The following LPGAT1 variants were observed in gnomAD, a reference collection of about 807,000 sequenced individuals.
LPGAT1 encodes acyl-CoA:lysophosphatidylglycerol acyltransferase 1.
LPGAT1 carries 11 observed loss-of-function variants against 47.5 expected under a neutral mutation model. That is an observed-to-expected ratio of 0.23 (90% confidence interval 0.15 to 0.38). The LOEUF (loss-of-function observed/expected upper bound fraction) is 0.38, where lower values mean the gene tolerates loss of function less well. Ranked by LOEUF, LPGAT1 falls within the 10% of genes least tolerant of loss-of-function variation. The probability of loss-of-function intolerance (pLI) is 1.00; values close to 1 mark genes in which losing one functional copy is unlikely to be tolerated. For missense variants in LPGAT1, 293 were observed against 439.0 expected (o/e 0.67, Z 2.97); for synonymous variants, 138 against 144.2 (o/e 0.96, Z 0.31).
intron 3 of LPGAT1, among the ~76,000 whole-genome samples, chr1:211,788,334 T>G (rs1199443875): frequency 6.6e-6 from 1 of 152,162 alleles, no homozygotes; most frequent in African/African-American, 2.4e-5. Flanking sequence ...CCACTGCTGA[T>G]AAGAGTTAAT....
At chr1:211,769,211 T>C (rs1441739538) in intron 6 of LPGAT1, among the ~76,000 whole-genome samples, 2 of 152,094 alleles carry the variant, frequency 1.3e-5, no homozygotes, top group Admixed American at 6.6e-5. Context: ...GAGGTGATAG[T>C]GGCTAGGACC....
At chr1:211,798,651 C>G (rs1659446294) in intron 2 of LPGAT1, among the ~76,000 whole-genome samples, 1 of 152,076 alleles carries the variant, frequency 6.6e-6, no homozygotes, top group South Asian at 2.1e-4. Context: ...CCACTACACT[C>G]CAGTCTGGTT....
intron 2 of LPGAT1, among the ~76,000 whole-genome samples, chr1:211,824,835 A>G (rs1038660681): frequency 6.6e-6 from 1 of 152,214 alleles, no homozygotes; most frequent in Non-Finnish European, 1.5e-5. Context: ...CAAAGTCAGA[A>G]ATAATTCCTA....
chr1:211,819,030 G>A (rs1262567432), intron 2 of LPGAT1, among the ~76,000 whole-genome samples: 2 of 152,164 alleles, frequency 1.3e-5, no homozygotes, highest in Admixed American at 1.3e-4. Flanking sequence ...GATGGTGGCA[G>A]TGCTATTTTA....
intron 6 of LPGAT1, among the ~76,000 whole-genome samples, chr1:211,758,277 C>T (rs1313026144): frequency 2.0e-5 from 3 of 152,222 alleles, no homozygotes; most frequent in Non-Finnish European, 2.9e-5. Flanking sequence ...GATTGAATGT[C>T]TGTACCTACC....
intron 6 of LPGAT1, among the ~76,000 whole-genome samples, chr1:211,751,739 T>C (rs771624505): frequency 9.9e-5 from 15 of 152,204 alleles, no homozygotes; most frequent in Non-Finnish European, 7.4e-5. Context: ...ATTTTTTGTT[T>C]TCTAATTTAG....
chr1:211,813,811 C>A (rs922572186), intron 2 of LPGAT1, among the ~76,000 whole-genome samples: 1 of 152,190 alleles, frequency 6.6e-6, no homozygotes, highest in East Asian at 1.9e-4. Context: ...AGGGCTGTAG[C>A]TTGCCAACCT....
rs78308132 is a variant in LPGAT1, at chr1:211,785,217, C to T, written c.454-1715G>A. ...CTTTAGATCAAATGTATCCCAAATG[C>T]AAAACATGTAAGACATTTTGTTAGT... On this transcript the variant is annotated intron_variant, in intron 4 of 7. Coordinates refer to ENST00000366997, the MANE Select transcript of LPGAT1 (RefSeq NM_014873.3). Among the ~76,000 whole-genome samples, 283 of 152,200 alleles carry T rather than the reference C, an allele frequency of 1.9e-3. 7 individuals are homozygous for T. The East Asian group carries it at 0.038, about 20-fold the overall frequency.
At chr1:211,760,461 C>A (rs1246058043) in intron 6 of LPGAT1, among the ~76,000 whole-genome samples, 3 of 151,824 alleles carry the variant, frequency 2.0e-5, no homozygotes, top group Non-Finnish European at 2.9e-5. Flanking sequence ...GTCCCCCCAA[C>A]CCCCCTCAAA....
intron 3 of LPGAT1, among the ~76,000 whole-genome samples, chr1:211,789,578 G>A (rs1659021229): frequency 1.3e-5 from 2 of 152,100 alleles, no homozygotes; most frequent in Non-Finnish European, 2.9e-5. Flanking sequence ...ACAATTCACA[G>A]ACACTTATTA....
intron 2 of LPGAT1, among the ~76,000 whole-genome samples, chr1:211,814,156 A>T (rs372468273): frequency 9.9e-5 from 15 of 152,232 alleles, no homozygotes; most frequent in East Asian, 3.8e-4. Flanking sequence ...TATTTACAAG[A>T]CACATTATTT....
At chr1:211,784,998 T>G (rs1658813572) in intron 4 of LPGAT1, among the ~76,000 whole-genome samples, 1 of 152,028 alleles carries the variant, frequency 6.6e-6, no homozygotes, top group Non-Finnish European at 1.5e-5. Flanking sequence ...AGAGATGGGA[T>G]TTCACCGTGT....
chr1:211,830,727 C>T lies in LPGAT1; in HGVS notation c.-182G>A. On this transcript the variant is annotated 5_prime_UTR_variant, in exon 1 of 8. Transcript: ENST00000366997. This position sits in a 1 kb window ranked among gnomAD's most constrained non-coding sequence, Gnocchi z 5.9. ...CGCCCGTTCCCCGGCGGCGCCGAGA[C>T]TCGGTCCCCAAGGGCCCGGCCGCGT... The T allele has an allele frequency of 8.5e-7, 1 of 1,178,118 alleles. No individual in the cohort carries two copies. The highest frequency in any genetic ancestry group is 4.3e-5 in the South Asian group (1 of 23,382). 73.0% of individuals were successfully genotyped at this position (1,178,118 alleles called of 1,614,324 possible).
In LPGAT1 at chr1:211,746,621, C is replaced by T. The variant is rs1656954251; in HGVS notation, c.*3278G>A. 6.6e-6 allele frequency: 1 copy of T among 152,088 alleles called. No individual in the cohort carries two copies. The highest frequency in any genetic ancestry group is 2.4e-5 in the African/African-American group (1 of 41,424). 9.4% of individuals were successfully genotyped at this position (152,088 alleles called of 1,614,324 possible). ...CCAGAAAGTAATCAATCTAGTAATC[C>T]TTCCTTTATAGTGGAAAGTTAAGGA... On this transcript the variant is annotated 3_prime_UTR_variant, in exon 8 of 8. Coordinates refer to ENST00000366997, the MANE Select transcript of LPGAT1 (RefSeq NM_014873.3).
In LPGAT1 at chr1:211,756,870, TC is replaced by T. The variant is rs1370416578; in HGVS notation, c.855-5804del. The stretch of plus-strand genomic sequence containing the variant: ...AGTGTTTGCTTTGTTTTTTTTTTTT[TC>T]TCTCTTTTTTTTTTTTTCCACACAT... On this transcript the variant is annotated intron_variant, in intron 6 of 7. Coordinates refer to ENST00000366997, the MANE Select transcript of LPGAT1 (RefSeq NM_014873.3). 2.4e-4 allele frequency among the ~76,000 whole-genome samples: 36 copies of T among 147,044 alleles called. No individual in the cohort carries two copies. The South Asian group carries it at 4.0e-3, about 16-fold the overall frequency.
intron 4 of LPGAT1, among the ~76,000 whole-genome samples, chr1:211,785,677 G>C (rs1658848303): frequency 6.6e-6 from 1 of 151,122 alleles, no homozygotes; most frequent in Non-Finnish European, 1.5e-5. Context: ...CGCAATCTCG[G>C]CCCACTGCAA....
rs114709594 is a variant in LPGAT1 at position 211,781,949 on chromosome 1, T to C, written c.727+1280A>G. ...GAGAAGGTAATACATACATATTATTTTTAAAAATGGAAAATTCAGAAAAGC... is the reference window on the plus strand; with the variant it reads ...GAGAAGGTAATACATACATATTATTCTTAAAAATGGAAAATTCAGAAAAGC... On this transcript the variant is annotated intron_variant, in intron 5 of 7. Transcript: ENST00000366997. Among the ~76,000 whole-genome samples the C allele has an allele frequency of 3.5e-3, 531 of 152,342 alleles. 1 individual carries two copies. The highest frequency in any genetic ancestry group is 0.011 in the African/African-American group (473 of 41,584).
chr1:211,754,304 G>A (rs1475707772), intron 6 of LPGAT1, among the ~76,000 whole-genome samples: 1 of 152,198 alleles, frequency 6.6e-6, no homozygotes, highest in Non-Finnish European at 1.5e-5. Flanking sequence ...CACAGGTGCT[G>A]ATGCTGCCAG....
At chr1:211,789,020 T>C (rs945770502) in intron 3 of LPGAT1, among the ~76,000 whole-genome samples, 3 of 152,190 alleles carry the variant, frequency 2.0e-5, no homozygotes, top group African/African-American at 7.2e-5. Flanking sequence ...TCCTACTCCA[T>C]CAGCTTTACA....
Sources: gnomAD v4.1 joint callset for allele counts (sites outside exome capture counted in the v4.1 genomes callset) on GRCh38, gnomAD v4.1.1 for gene constraint, Gnocchi (gnomAD v3.1) non-coding constraint, MANE v1.5 for transcripts, NCBI Gene and HGNC (gene_info 2026-07-23, HGNC 2026-07-21) for gene names.